Variants in PFKL observed in about 807,000 individuals in gnomAD.
PFKL encodes the protein ATP-dependent 6-phosphofructokinase, liver type.
Under a neutral mutation model 92.1 loss-of-function variants are expected in PFKL, and 74 were observed. The ratio of observed to expected loss-of-function variants is 0.80; its 90% CI spans 0.67 to 0.97. The LOEUF (loss-of-function observed/expected upper bound fraction) is 0.97. Ranked by LOEUF, PFKL falls within the 50% of genes least tolerant of loss-of-function variation. The pLI is 0.00. For missense variants in PFKL, 1,028 were observed against 1,116.6 expected (o/e 0.92, Z 1.13); for synonymous variants, 494 against 456.4 (o/e 1.08, Z -1.05).
At chr21:44,318,631 C>A in intron 10 of PFKL, 36 bp downstream of exon 10, 1 of 1,432,830 alleles carries the variant, frequency 7.0e-7, no homozygotes, top group South Asian at 1.5e-5. Flanking sequence ...AACCGCCTGG[C>A]CCCTCTCCCC....
At chr21:44,324,740 A>G in intron 17 of PFKL, 85 bp downstream of exon 17, 2 of 1,564,634 alleles carry the variant, frequency 1.3e-6, no homozygotes, top group Admixed American at 1.7e-5. Flanking sequence ...AGCGCAGGGC[A>G]GGGCCCGGGC....
intron 9 of PFKL, among the ~76,000 whole-genome samples, chr21:44,316,904 C>A (rs1383842425): frequency 2.0e-5 from 3 of 152,188 alleles, no homozygotes; most frequent in Non-Finnish European, 2.9e-5. Context: ...CCTGGCTGTT[C>A]TGACCCCCAC....
intron 2 of PFKL, among the ~76,000 whole-genome samples, chr21:44,309,807 C>T (rs181950624): frequency 2.7e-4 from 41 of 152,342 alleles, no homozygotes; most frequent in Admixed American, 7.8e-4. Context: ...TCTGTGGTCC[C>T]TCAGATCAGC....
chr21:44,316,205 C>T (rs1448899916), intron 7 of PFKL, 39 bp from the exon 8 acceptor site: 2 of 1,599,816 alleles, frequency 1.3e-6, no homozygotes, highest in Non-Finnish European at 1.7e-6. Flanking sequence ...GGCAGGTTTC[C>T]CTGCCTGGCA....
chr21:44,313,783 G>C, intron 6 of PFKL, 101 bp downstream of exon 6: 1 of 1,365,008 alleles, frequency 7.3e-7, no homozygotes. Flanking sequence ...AATGCCATGG[G>C]TGTGAGAGAG....
chr21:44,322,250 A>G (rs2047377097), intron 14 of PFKL, 47 bp downstream of exon 14: 2 of 1,547,478 alleles, frequency 1.3e-6, no homozygotes, highest in Non-Finnish European at 8.8e-7. Context: ...GCCAGGGCGC[A>G]GTATCCAGGC....
chr21:44,301,459 C>T (rs7282369), intron 1 of PFKL, among the ~76,000 whole-genome samples: 51,907 of 151,892 alleles, frequency 0.34, 9,913 homozygotes, highest in African/African-American at 0.52. Context: ...GAGGGGAGGG[C>T]GTTGTTCAAG....
chr21:44,323,868 G>T lies in PFKL; in HGVS notation c.1600G>T (p.Gly534Cys). ...IPATISNNVP[G>C]TDFSLGSDTA... ...AGCCACCATCAGCAACAACGTCCCT[G>T]GCACCGACTTCAGCCTGGGCTCCGA... The change falls in exon 16 of 22, where the codon GGC becomes TGC. Residue 534 changes from glycine to cysteine, a missense_variant. Physicochemically the swap from Gly to Cys is radical, Grantham distance 159. Coordinates refer to ENST00000349048, the MANE Select transcript of PFKL (RefSeq NM_002626.6). 1 of 1,613,584 alleles carries T rather than the reference G, an allele frequency of 6.2e-7. No homozygotes were observed. The highest frequency in any genetic ancestry group is 2.2e-5 in the East Asian group (1 of 44,882).
In PFKL at chr21:44,305,471, G is replaced by C. The variant is rs2040908116; in HGVS notation, c.86-1210G>C. Reference sequence around the variant, plus strand: ...GGGGGGTGGGAGGGCAGGGGCTTTTGAGGGGCACGAGGCTTGGGGACAGAG... The same window carrying C: ...GGGGGGTGGGAGGGCAGGGGCTTTTCAGGGGCACGAGGCTTGGGGACAGAG... On this transcript the variant is annotated intron_variant, in intron 1 of 21. Transcript: ENST00000349048. 27 of 1,287,690 alleles carry C rather than the reference G, an allele frequency of 2.1e-5. No homozygotes were observed. The South Asian group carries it at 3.3e-4, about 16-fold the overall frequency. The allele number at this position is 1,287,690 out of a possible 1,614,324, so 79.8% of individuals were successfully genotyped here.
intron 2 of PFKL, among the ~76,000 whole-genome samples, chr21:44,309,251 C>T (rs2146441589): frequency 6.6e-6 from 1 of 152,188 alleles, no homozygotes; most frequent in African/African-American, 2.4e-5. Flanking sequence ...GGAGGGTGGC[C>T]TTGGAGGTGA....
rs758830441 is a variant in PFKL, at chr21:44,319,365, G to T, written c.1077G>T (p.Gln359His). Reference protein sequence around the residue: ...MECVQMTKEVQKAMDDKRFDE... With the variant: ...MECVQMTKEVHKAMDDKRFDE... ...TCTTCCTTAAGACCAAGGAAGTGCA[G>T]AAAGCCATGGATGACAAGAGGTTTG... The change falls in exon 11 of 22, where the codon CAG (glutamine) becomes CAT (histidine). Residue 359 changes from glutamine to histidine, a missense_variant. Physicochemically the swap from Gln to His is conservative, Grantham distance 24. Coordinates refer to ENST00000349048, the MANE Select transcript of PFKL (RefSeq NM_002626.6). 6.2e-7 allele frequency: 1 copy of T among 1,613,772 alleles called. No homozygotes were observed. Among genetic ancestry groups the T allele is most frequent in the Admixed American group, 1.7e-5 (1 of 60,024 alleles).
chr21:44,305,384 G>A, intron 1 of PFKL: 2 of 1,365,102 alleles, frequency 1.5e-6, no homozygotes, highest in African/African-American at 3.0e-5. Flanking sequence ...ATGTTCAAGG[G>A]AGCTGCCGAG....
At chr21:44,325,584 T>C in intron 19 of PFKL, 2 of 495,616 alleles carry the variant, frequency 4.0e-6, no homozygotes, top group Non-Finnish European at 7.4e-6. Context: ...CCCTGCCTTA[T>C]GGTGGCCCTG....
rs868388647 is a variant in PFKL, at chr21:44,325,987, G to A, written c.2016G>A (p.Arg672=). 1 of 1,613,792 alleles carries A rather than the reference G, an allele frequency of 6.2e-7. No individual in the cohort carries two copies. The highest frequency in any genetic ancestry group is 8.5e-7 in the Non-Finnish European group (1 of 1,179,950). ...QQGGAPTPFD[R]NYGTKLGVKA... is the part of the protein sequence containing the mutation. ...GTGGCGCTCCAACCCCCTTTGACCG[G>A]AACTATGGGACCAAGCTGGGGGTGA... is the stretch of plus-strand genomic sequence containing the variant. Residue 672 remains arginine (R), a synonymous_variant, in exon 20 of 22, where the codon CGG becomes CGA. Coordinates refer to ENST00000349048, the MANE Select transcript of PFKL (RefSeq NM_002626.6).
intron 7 of PFKL, chr21:44,314,260 C>T (rs1038231178): frequency 5.5e-6 from 3 of 546,142 alleles, no homozygotes; most frequent in Non-Finnish European, 9.8e-6. Context: ...CAGGCTGCCG[C>T]CGCCCCAGGC....
chr21:44,315,337 G>A (rs1196915157), intron 7 of PFKL: 1 of 152,354 alleles, frequency 6.6e-6, no homozygotes, highest in Non-Finnish European at 1.5e-5. Flanking sequence ...CCTGTAACAT[G>A]CGGGTTCCCG....
Position 44,326,821 on chromosome 21 carries a change from C to T in PFKL, c.2302C>T (p.His768Tyr), listed in dbSNP as rs199677210. 6.2e-7 allele frequency: 1 copy of T among 1,602,890 alleles called. No individual in the cohort carries two copies. Among genetic ancestry groups the T allele is most frequent in the South Asian group, 1.1e-5 (1 of 89,738 alleles). Residue 768 changes from histidine to tyrosine, a missense_variant, in exon 22 of 22, where the codon CAC becomes TAC. Transcript: ENST00000349048. ...MAAYVSGELEHVTRRTLSMDK... is the reference protein window; with the variant it reads ...MAAYVSGELEYVTRRTLSMDK... The stretch of plus-strand genomic sequence containing the variant: ...CGCCTACGTGTCAGGGGAGCTGGAG[C>T]ACGTGACCCGCCGCACCCTGAGCAT...
intron 1 of PFKL, among the ~76,000 whole-genome samples, chr21:44,301,526 G>A (rs891078967): frequency 1.3e-5 from 2 of 152,224 alleles, no homozygotes; most frequent in African/African-American, 4.8e-5. Context: ...GAAGCAGGCC[G>A]GGTGCGGTGG....
At chr21:44,310,432 C>G (rs1423135038) in intron 2 of PFKL, among the ~76,000 whole-genome samples, 1 of 152,200 alleles carries the variant, frequency 6.6e-6, no homozygotes, top group Non-Finnish European at 1.5e-5. Flanking sequence ...CAGGAGCTCC[C>G]TCGGGTGGGG....
Sources: allele counts gnomAD v4.1 joint callset (sites outside exome capture counted in the v4.1 genomes callset), GRCh38; gene constraint gnomAD v4.1.1; transcripts MANE v1.5; gene names NCBI Gene and HGNC (gene_info 2026-07-23, HGNC 2026-07-21).